ASPH: variants seen among roughly 807,000 people sequenced by gnomAD.
ASPH encodes the protein aspartyl/asparaginyl beta-hydroxylase.
A neutral mutation model predicts 118.4 loss-of-function variants in ASPH; 100 were observed. The ratio of observed to expected loss-of-function variants is 0.84; its 90% CI spans 0.72 to 1.00. ASPH has a LOEUF of 1.00. Among genes scored for constraint, ASPH ranks in the 50% least tolerant of loss-of-function variants. The pLI, the probability that ASPH is intolerant of heterozygous loss-of-function variation, is 0.00. For missense variants in ASPH, 920 were observed against 919.5 expected, an observed-to-expected ratio of 1.00 and a Z score of -0.01; for synonymous variants, 315 against 325.6, an observed-to-expected ratio of 0.97 and a Z score of 0.35.
chr8:61,515,884 T>C (rs1810717940), intron 24 of ASPH, among the ~76,000 whole-genome samples: 1 of 152,100 alleles, frequency 6.6e-6, no homozygotes, highest in Non-Finnish European at 1.5e-5. Flanking sequence ...CAATTCCAGC[T>C]CTGTTTATCT....
At chr8:61,699,261 A>T (rs937627380) in intron 1 of ASPH, among the ~76,000 whole-genome samples, 6 of 152,236 alleles carry the variant, frequency 3.9e-5, no homozygotes, top group Non-Finnish European at 5.9e-5. Flanking sequence ...ATGAAGTCTG[A>T]CTTTTCCTAC....
intron 4 of ASPH, 97 bp from the exon 5 acceptor site, chr8:61,651,221 G>A (rs1334040880): frequency 7.1e-6 from 7 of 987,814 alleles, no homozygotes; most frequent in Middle Eastern, 3.0e-4. Flanking sequence ...ACATTAAAAT[G>A]AATATATTTG....
chr8:61,598,347 G>A (rs1843006265), intron 14 of ASPH, among the ~76,000 whole-genome samples: 1 of 151,978 alleles, frequency 6.6e-6, no homozygotes, highest in Non-Finnish European at 1.5e-5. Flanking sequence ...AAAGTGAGCA[G>A]GAGTAGCTAT....
intron 17 of ASPH, among the ~76,000 whole-genome samples, chr8:61,565,753 AGAG>A (rs1445973808): frequency 2.6e-5 from 4 of 152,194 alleles, no homozygotes; most frequent in African/African-American, 9.6e-5. Context: ...TCATAGTGAG[AGAG>A]GAGAAGTCAA....
intron 24 of ASPH, 146 bp downstream of exon 24, chr8:61,517,382 A>G (rs1024587604): frequency 8.5e-7 from 1 of 1,181,948 alleles, no homozygotes; most frequent in Admixed American, 2.6e-5. Context: ...GAAGGGATAT[A>G]GACTTAAGAG....
chr8:61,597,033 TAG>T (rs760898497), intron 14 of ASPH, among the ~76,000 whole-genome samples: 254 of 151,710 alleles, frequency 1.7e-3, no homozygotes, highest in Middle Eastern at 3.4e-3. Context: ...AAAAATTCAA[TAG>T]AGAGATAGAT....
chr8:61,520,490 A>G (rs1812548438), intron 22 of ASPH, among the ~76,000 whole-genome samples: 1 of 152,250 alleles, frequency 6.6e-6, no homozygotes, highest in Non-Finnish European at 1.5e-5. Context: ...AATCAAATGG[A>G]GCTCAATGTT....
At chr8:61,567,040 ACTTG>A in intron 17 of ASPH, 124 bp downstream of exon 17, 1 of 1,150,140 alleles carries the variant, frequency 8.7e-7, no homozygotes, top group South Asian at 1.6e-5. Context: ...CAGACACATT[ACTTG>A]AAATCAGTTG....
At chr8:61,675,158 A>G in intron 3 of ASPH, 1 of 346,530 alleles carries the variant, frequency 2.9e-6, no homozygotes, top group Non-Finnish European at 4.1e-6. Context: ...AAATGGAATT[A>G]CCACTTCAAT....
At chr8:61,607,640 A>T (rs1344404256) in intron 14 of ASPH, among the ~76,000 whole-genome samples, 4 of 151,966 alleles carry the variant, frequency 2.6e-5, no homozygotes, top group Non-Finnish European at 5.9e-5. Flanking sequence ...AAAAAACAAC[A>T]TTCTTTCTGG....
intron 21 of ASPH, among the ~76,000 whole-genome samples, chr8:61,543,460 T>A (rs1822680804): frequency 6.6e-6 from 1 of 152,208 alleles, no homozygotes; most frequent in African/African-American, 2.4e-5. Context: ...TCTGTTTAGT[T>A]CTTTTTTATA....
chr8:61,569,361 T>C (rs1314113282), intron 16 of ASPH, among the ~76,000 whole-genome samples: 3 of 152,184 alleles, frequency 2.0e-5, no homozygotes, highest in Non-Finnish European at 4.4e-5. Context: ...AAGTAGCATA[T>C]ATTTTTTTTT....
chr8:61,632,593 C>T (rs1564098940), intron 13 of ASPH: 10 of 457,452 alleles, frequency 2.2e-5, no homozygotes, highest in Non-Finnish European at 3.0e-5. Context: ...TGTAAAAGGT[C>T]AATTTCTCCA....
chr8:61,669,669 T>A (rs28667387), intron 3 of ASPH, among the ~76,000 whole-genome samples: 6 of 152,174 alleles, frequency 3.9e-5, no homozygotes, highest in Non-Finnish European at 4.4e-5. Flanking sequence ...GTAAAACACA[T>A]TAGCATAAAA....
chr8:61,616,276 G>A (rs1210395017), intron 14 of ASPH, among the ~76,000 whole-genome samples: 10 of 152,112 alleles, frequency 6.6e-5, no homozygotes, highest in African/African-American at 1.2e-4. Context: ...GAGGATACCC[G>A]ACAGTGCAGG....
intron 24 of ASPH, among the ~76,000 whole-genome samples, chr8:61,506,915 G>A (rs1253221138): frequency 6.6e-6 from 1 of 152,148 alleles, no homozygotes. Flanking sequence ...GAGCATCTGT[G>A]AAATGTAGTT....
chr8:61,614,594 A>G (rs1848448520), intron 14 of ASPH, among the ~76,000 whole-genome samples: 1 of 152,114 alleles, frequency 6.6e-6, no homozygotes, highest in African/African-American at 2.4e-5. Flanking sequence ...CAGACTCCCG[A>G]GTAGCTGGGA....
At chr8:61,579,031 C>T in intron 15 of ASPH, 1 of 1,610,548 alleles carries the variant, frequency 6.2e-7, no homozygotes, top group Non-Finnish European at 8.5e-7. Context: ...GAGGATATTG[C>T]CAACCAAAGA....
intron 5 of ASPH, among the ~76,000 whole-genome samples, chr8:61,649,693 C>T (rs1393672790): frequency 1.4e-5 from 2 of 146,184 alleles, no homozygotes; most frequent in Non-Finnish European, 3.0e-5. Flanking sequence ...CTTTCTATTT[C>T]TCTCCATCCC....
Sources: gnomAD v4.1 joint callset for allele counts (sites outside exome capture counted in the v4.1 genomes callset) on GRCh38, gnomAD v4.1.1 for gene constraint, MANE v1.5 for transcripts, NCBI Gene and HGNC (gene_info 2026-07-23, HGNC 2026-07-21) for gene names.